GGA2: variants seen among roughly 807,000 people sequenced by gnomAD.
GGA2 encodes the protein ADP-ribosylation factor-binding protein GGA2.
A neutral mutation model predicts 79.5 loss-of-function variants in GGA2; 48 were observed. The observed-to-expected ratio is 0.60, with a 90% confidence interval of 0.48 to 0.77. The LOEUF (loss-of-function observed/expected upper bound fraction) is 0.77, where lower values mean the gene tolerates loss of function less well. GGA2 is among the 30% of genes least tolerant of loss of function. GGA2 has a pLI of 0.00. For missense variants in GGA2, 770 were observed against 774.0 expected (o/e 0.99, Z 0.06); for synonymous variants, 317 against 302.0 (o/e 1.05, Z -0.51).
At chr16:23,505,068 G>A (rs996373859) in intron 1 of GGA2, among the ~76,000 whole-genome samples, 4 of 152,166 alleles carry the variant, frequency 2.6e-5, no homozygotes, top group Admixed American at 6.5e-5. Context: ...TGGTCACCCC[G>A]AGGAGCAGAA....
intron 1 of GGA2, among the ~76,000 whole-genome samples, chr16:23,509,843 C>G (rs1001070007): frequency 5.3e-5 from 8 of 151,238 alleles, no homozygotes; most frequent in Non-Finnish European, 1.2e-4. Context: ...TTCTTTTTGA[C>G]GCGGTAGCCA....
intron 1 of GGA2, among the ~76,000 whole-genome samples, chr16:23,497,372 C>T (rs540937265): frequency 1.3e-4 from 20 of 152,270 alleles, no homozygotes; most frequent in South Asian, 4.2e-4. Flanking sequence ...CCTCCCGCTG[C>T]GCCAACCCCA....
At position 23,467,597 on chromosome 16, in the gene GGA2, G is replaced by A. The variant is rs1964457105; in HGVS notation, c.1835C>T (p.Ala612Val). 11 of 1,544,072 alleles carry A rather than the reference G, an allele frequency of 7.1e-6. No individual in the cohort carries two copies. The highest frequency in any genetic ancestry group is 9.8e-6 in the Non-Finnish European group (11 of 1,116,980). The stretch of plus-strand genomic sequence containing the variant: ...GGTCCATCTTGTGAAAAGTTAGGCT[G>A]CGCCCAAGACAGCCAGGTCTGGGAA... ...KDFPDLAVLG[A>V]A Residue 612 changes from alanine (A) to valine (V), a missense_variant, in exon 17 of 17, where the codon GCA becomes GTA. Physicochemically the swap from Ala to Val is moderately conservative, Grantham distance 64 (BLOSUM62 0). Coordinates refer to ENST00000309859, the MANE Select transcript of GGA2 (RefSeq NM_015044.4).
intron 9 of GGA2, among the ~76,000 whole-genome samples, chr16:23,481,125 T>C (rs1380773293): frequency 6.6e-6 from 1 of 152,196 alleles, no homozygotes; most frequent in African/African-American, 2.4e-5. Context: ...ATGCCTATAA[T>C]CCCAGCATTT....
intron 2 of GGA2, 95 bp from the exon 3 acceptor site, chr16:23,494,473 G>A: frequency 1.2e-6 from 1 of 857,872 alleles, no homozygotes; most frequent in Non-Finnish European, 2.0e-6. Context: ...TTCTTCCAGG[G>A]GCTGGTGTCC....
rs74014924 is a variant in GGA2, at chr16:23,501,517, T to C, written c.92-5739A>G. 1,248 of 359,838 alleles carry C rather than the reference T, an allele frequency of 3.5e-3. 19 individuals carry two copies. Among genetic ancestry groups the C allele is most frequent in the African/African-American group, 0.025 (1,162 of 47,144 alleles). The allele number at this position is 359,838 out of a possible 1,614,324, so 22.3% of individuals were successfully genotyped here. ...TGGCAAATGACCGTGACCTGTATTT[T>C]CTATTTAGTTTTCCTCACAAAGATA... On this transcript the variant is annotated intron_variant, in intron 1 of 16. Transcript: ENST00000309859.
At chr16:23,491,881 AG>A (rs1352768695) in intron 4 of GGA2, 81 bp from the exon 5 acceptor site, 1 of 952,492 alleles carries the variant, frequency 1.0e-6, no homozygotes, top group African/African-American at 1.6e-5. Flanking sequence ...GTAGCTGCTG[AG>A]GCCCAGAGAC....
At chr16:23,493,778 G>A (rs1368928223) in intron 3 of GGA2, 2 of 338,578 alleles carry the variant, frequency 5.9e-6, no homozygotes, top group Non-Finnish European at 1.1e-5. Context: ...CTCCCCAGAG[G>A]CAGAGATCTG....
At chr16:23,492,989 T>C (rs1159000971) in intron 4 of GGA2, among the ~76,000 whole-genome samples, 1 of 152,138 alleles carries the variant, frequency 6.6e-6, no homozygotes, top group Admixed American at 6.5e-5. Context: ...CTGGCTGAGC[T>C]AAGACAGGTG....
Position 23,467,580 on chromosome 16 carries a change from T to A in GGA2, c.*10A>T. ...CTAAGCTTGAAATGAAGGGTCCATC[T>A]TGTGAAAAGTTAGGCTGCGCCCAAG... On this transcript the variant is annotated 3_prime_UTR_variant, in exon 17 of 17. Transcript: ENST00000309859. 1 of 1,340,964 alleles carries A rather than the reference T, an allele frequency of 7.5e-7. No individual in the cohort carries two copies. Among genetic ancestry groups the A allele is most frequent in the Non-Finnish European group, 1.1e-6 (1 of 932,134 alleles). The allele number at this position is 1,340,964 out of a possible 1,614,324, so 83.1% of individuals were successfully genotyped here.
At chr16:23,506,137 A>C (rs991022916) in intron 1 of GGA2, among the ~76,000 whole-genome samples, 2 of 152,156 alleles carry the variant, frequency 1.3e-5, no homozygotes, top group Non-Finnish European at 2.9e-5. Flanking sequence ...TTAAAGATAC[A>C]GCTGCCTTGT....
chr16:23,480,977 G>A (rs1214892065), intron 9 of GGA2, among the ~76,000 whole-genome samples: 2 of 152,184 alleles, frequency 1.3e-5, no homozygotes, highest in African/African-American at 4.8e-5. Flanking sequence ...AATGCAGAAG[G>A]AAGCAAATCT....
chr16:23,474,540 T>G (rs1964552520), intron 14 of GGA2, among the ~76,000 whole-genome samples: 1 of 152,004 alleles, frequency 6.6e-6, no homozygotes, highest in Non-Finnish European at 1.5e-5. Context: ...GTATTTTTTG[T>G]AGAGAGAGGG....
intron 2 of GGA2, among the ~76,000 whole-genome samples, chr16:23,518,220 A>G (rs958412715): frequency 6.6e-6 from 1 of 151,714 alleles, no homozygotes; most frequent in East Asian, 1.9e-4. Flanking sequence ...TGACATTTAT[A>G]TTTTTTGAGA....
intron 1 of GGA2, among the ~76,000 whole-genome samples, chr16:23,508,802 A>G (rs1965003506): frequency 6.6e-6 from 1 of 152,056 alleles, no homozygotes; most frequent in South Asian, 2.1e-4. Flanking sequence ...TTTTTTGACT[A>G]TGCCACAAGC....
At chr16:23,490,888 G>A (rs931033128) in intron 5 of GGA2, among the ~76,000 whole-genome samples, 1 of 152,114 alleles carries the variant, frequency 6.6e-6, no homozygotes, top group African/African-American at 2.4e-5. Flanking sequence ...GCATTTATCT[G>A]TACTTCATAG....
chr16:23,479,856 G>A lies in GGA2; in HGVS notation c.1038C>T (p.Thr346=), dbSNP rs1236811818. 1.2e-6 allele frequency: 2 copies of A among 1,614,014 alleles called. No individual in the cohort carries two copies. The highest frequency in any genetic ancestry group is 1.7e-6 in the Non-Finnish European group (2 of 1,179,862). ...CCACCTCCAAGTCAATCAGGGGGCAGGTCTTCATGCAGCCTGCTGGATTCT... is the reference window on the plus strand; with the variant it reads ...CCACCTCCAAGTCAATCAGGGGGCAAGTCTTCATGCAGCCTGCTGGATTCT... The part of the protein sequence containing the change: ...VFQNPAGCMK[T]CPLIDLEVDN... The change falls in exon 11 of 17, where the codon ACC becomes ACT. Residue 346 remains threonine (T), a synonymous_variant. Coordinates refer to ENST00000309859, the MANE Select transcript of GGA2 (RefSeq NM_015044.4).
exon 1 of GGA2, chr16:23,521,909 T>A (rs1002225623): frequency 1.4e-5 from 6 of 443,514 alleles, no homozygotes; most frequent in African/African-American, 1.2e-4. Context: ...CAGATCTGAG[T>A]TTAAATCTTG....
chr16:23,476,202 G>A (rs1438612682), intron 13 of GGA2, among the ~76,000 whole-genome samples: 1 of 152,162 alleles, frequency 6.6e-6, no homozygotes, highest in Non-Finnish European at 1.5e-5. Context: ...AAAGTCCTGA[G>A]AGGAGAAATA....
Sources: allele counts gnomAD v4.1 joint callset (sites outside exome capture counted in the v4.1 genomes callset), GRCh38; gene constraint gnomAD v4.1.1; transcripts MANE v1.5; gene names NCBI Gene and HGNC (gene_info 2026-07-23, HGNC 2026-07-21).